The following APPBP2 variants were observed in gnomAD, a reference collection of about 807,000 sequenced individuals.
APPBP2 encodes amyloid beta precursor protein binding protein 2.
Under a neutral mutation model 76.0 loss-of-function variants are expected in APPBP2, and 15 were observed. That is an observed-to-expected ratio of 0.20 (90% CI 0.13 to 0.30). The LOEUF (loss-of-function observed/expected upper bound fraction) is 0.30. Ranked by LOEUF, APPBP2 falls within the 10% of genes least tolerant of loss-of-function variation. APPBP2 has a pLI of 1.00. For missense variants in APPBP2, 401 were observed against 687.2 expected (o/e 0.58, Z 4.66); for synonymous variants, 222 against 242.2 (o/e 0.92, Z 0.77).
At chr17:60,524,982 A>T (rs183507548) in intron 1 of APPBP2, among the ~76,000 whole-genome samples, 1 of 152,236 alleles carries the variant, frequency 6.6e-6, no homozygotes, top group Non-Finnish European at 1.5e-5. Context: ...AATAGTCCAC[A>T]TCTAAGGACA....
At chr17:60,480,146 C>T (rs2090618310) in intron 3 of APPBP2, among the ~76,000 whole-genome samples, 1 of 152,100 alleles carries the variant, frequency 6.6e-6, no homozygotes, top group Non-Finnish European at 1.5e-5. Flanking sequence ...TTTTTTTGCA[C>T]ATTAAAAAAT....
intron 4 of APPBP2, 148 bp from the exon 5 acceptor site, chr17:60,466,607 T>C: frequency 1.4e-6 from 1 of 716,676 alleles, no homozygotes; most frequent in Non-Finnish European, 2.2e-6. Context: ...AAATTGGAGT[T>C]GACCTCATGC....
At chr17:60,492,736 T>C (rs913875250) in intron 3 of APPBP2, among the ~76,000 whole-genome samples, 5 of 152,222 alleles carry the variant, frequency 3.3e-5, no homozygotes, top group African/African-American at 1.2e-4. Context: ...AACTTGCTTT[T>C]GATTTTACAG....
intron 3 of APPBP2, among the ~76,000 whole-genome samples, chr17:60,483,508 C>G (rs1158077577): frequency 6.6e-6 from 1 of 152,154 alleles, no homozygotes; most frequent in Non-Finnish European, 1.5e-5. Context: ...ATTCTCCTGC[C>G]TGAGCCTCCC....
intron 4 of APPBP2, 101 bp from the exon 5 acceptor site, chr17:60,466,560 C>A (rs2090513158): frequency 8.7e-7 from 1 of 1,153,226 alleles, no homozygotes; most frequent in East Asian, 2.4e-5. Flanking sequence ...TAATTAAATA[C>A]AATTACAAGG....
intron 11 of APPBP2, 62 bp downstream of exon 11, chr17:60,454,240 T>C (rs1386622660): frequency 8.1e-7 from 1 of 1,227,966 alleles, no homozygotes. Flanking sequence ...ACTTAAAATT[T>C]ATTATTTCAG....
intron 1 of APPBP2, among the ~76,000 whole-genome samples, chr17:60,502,181 ACT>A (rs1195370313): frequency 6.6e-6 from 1 of 152,120 alleles, no homozygotes; most frequent in East Asian, 1.9e-4. Context: ...CCTGCCTCAG[ACT>A]CTCTGAGTGC....
chr17:60,496,784 G>C (rs1488952827), intron 2 of APPBP2, among the ~76,000 whole-genome samples: 1 of 152,106 alleles, frequency 6.6e-6, no homozygotes, highest in Non-Finnish European at 1.5e-5. Context: ...GCAGCGGTGT[G>C]ATGTTGGCTC....
intron 3 of APPBP2, among the ~76,000 whole-genome samples, chr17:60,480,924 G>T (rs1375136462): frequency 6.6e-6 from 1 of 152,180 alleles, no homozygotes; most frequent in African/African-American, 2.4e-5. Context: ...ACCCCAGGGT[G>T]TGCTTCTTTT....
intron 1 of APPBP2, among the ~76,000 whole-genome samples, chr17:60,501,242 T>C (rs1044075221): frequency 1.4e-4 from 21 of 151,886 alleles, no homozygotes; most frequent in African/African-American, 4.8e-4. Flanking sequence ...AGCCCAGGAG[T>C]TGGAGACCAG....
At chr17:60,466,197 G>T (rs2090509490) in intron 5 of APPBP2, 94 bp downstream of exon 5, 1 of 1,227,582 alleles carries the variant, frequency 8.1e-7, no homozygotes, top group Non-Finnish European at 1.1e-6. Flanking sequence ...ATGTAAAAGA[G>T]ATCTGTAAGA....
At chr17:60,464,481 T>C (rs2090496789) in intron 5 of APPBP2, among the ~76,000 whole-genome samples, 1 of 152,234 alleles carries the variant, frequency 6.6e-6, no homozygotes, top group South Asian at 2.1e-4. Context: ...TTCCTATACA[T>C]TCCATCCTCC....
intron 4 of APPBP2, among the ~76,000 whole-genome samples, chr17:60,478,708 A>C (rs952110183): frequency 1.3e-5 from 2 of 152,162 alleles, no homozygotes; most frequent in African/African-American, 2.4e-5. Flanking sequence ...GATCACCTGA[A>C]GTCAGGAGTT....
intron 1 of APPBP2, among the ~76,000 whole-genome samples, chr17:60,506,300 C>T (rs1382843886): frequency 6.6e-6 from 1 of 152,146 alleles, no homozygotes; most frequent in African/African-American, 2.4e-5. Context: ...GGCCTTGACG[C>T]CTGCCTATAT....
At position 60,454,234 on chromosome 17, in the gene APPBP2, A is replaced by G. The variant is rs955712979; in HGVS notation, c.1338+68T>C. 4 of 1,188,268 alleles carry G rather than the reference A, an allele frequency of 3.4e-6. No individual in the cohort carries two copies. In the African/African-American group the frequency reaches 6.3e-5, roughly 19 times the overall value. The allele number at this position is 1,188,268 out of a possible 1,614,324, so 73.6% of individuals were successfully genotyped here. On this transcript the variant is annotated intron_variant, in intron 11 of 12. Coordinates refer to ENST00000083182, the MANE Select transcript of APPBP2 (RefSeq NM_006380.5). ...GTGTATAATTTATTTGAGCTTACTT[A>G]AAATTTATTATTTCAGGTTCTATTT...
intron 1 of APPBP2, among the ~76,000 whole-genome samples, chr17:60,519,760 T>C (rs2090993213): frequency 6.6e-6 from 1 of 151,572 alleles, no homozygotes; most frequent in Non-Finnish European, 1.5e-5. Context: ...ACTTTTATAA[T>C]TTTAGTAGCC....
chr17:60,469,556 A>C (rs2090536891), intron 4 of APPBP2, among the ~76,000 whole-genome samples: 1 of 152,072 alleles, frequency 6.6e-6, no homozygotes, highest in Non-Finnish European at 1.5e-5. Flanking sequence ...CATCACCCCA[A>C]ACAGTCCCTA....
chr17:60,514,617 A>C (rs1013832621), intron 1 of APPBP2, among the ~76,000 whole-genome samples: 8 of 152,190 alleles, frequency 5.3e-5, no homozygotes, highest in Admixed American at 5.2e-4. Flanking sequence ...GGTTGTTTTC[A>C]ATTTTTGCCA....
At chr17:60,520,064 A>C (rs1055421842) in intron 1 of APPBP2, among the ~76,000 whole-genome samples, 6 of 152,068 alleles carry the variant, frequency 3.9e-5, no homozygotes, top group African/African-American at 1.2e-4. Flanking sequence ...GATTACAGAC[A>C]TAAGCCACCA....
Sources: allele counts gnomAD v4.1 joint callset (sites outside exome capture counted in the v4.1 genomes callset), GRCh38; gene constraint gnomAD v4.1.1; transcripts MANE v1.5; gene names NCBI Gene and HGNC (gene_info 2026-07-23, HGNC 2026-07-21).